The following TCF4 variants were observed in gnomAD, a reference collection of about 807,000 sequenced individuals.
TCF4 encodes the protein SL3-3 enhancer factor 2.
Under a neutral mutation model 82.1 loss-of-function variants are expected in TCF4, and 3 were observed. The observed-to-expected ratio is 0.04, with a 90% CI of 0.02 to 0.09. The LOEUF (loss-of-function observed/expected upper bound fraction) is 0.09. Among genes scored for constraint, TCF4 ranks in the 10% least tolerant of loss-of-function variants. The pLI is 1.00. For synonymous variants in TCF4, 276 were observed against 309.6 expected, an observed-to-expected ratio of 0.89 and a Z score of 1.14; for missense variants, 518 against 852.7, an observed-to-expected ratio of 0.61 and a Z score of 4.89.
intron 3 of TCF4, among the ~76,000 whole-genome samples, chr18:55,467,548 C>T (rs967459182): frequency 1.3e-5 from 2 of 152,172 alleles, no homozygotes; most frequent in Non-Finnish European, 2.9e-5. Flanking sequence ...AAGACAAATG[C>T]ATGCCCCACA....
intron 6 of TCF4, among the ~76,000 whole-genome samples, chr18:55,373,415 C>A (rs1005973560): frequency 3.3e-5 from 5 of 151,938 alleles, no homozygotes; most frequent in African/African-American, 1.2e-4. Context: ...ATACCCTGAG[C>A]GGTTGGTAAA....
chr18:55,323,141 G>A (rs1426730544), intron 8 of TCF4, among the ~76,000 whole-genome samples: 1 of 152,048 alleles, frequency 6.6e-6, no homozygotes, highest in Non-Finnish European at 1.5e-5. Context: ...ACAAAAAAAG[G>A]AAAGAAAGAA....
At chr18:55,523,679 A>T (rs944096863) in intron 3 of TCF4, among the ~76,000 whole-genome samples, 5 of 151,930 alleles carry the variant, frequency 3.3e-5, no homozygotes, top group African/African-American at 7.2e-5. Flanking sequence ...CAATTTTTTT[A>T]AAAAAATAGC....
intron 2 of TCF4, among the ~76,000 whole-genome samples, chr18:55,615,778 G>A (rs2097711164): frequency 6.6e-6 from 1 of 151,960 alleles, no homozygotes; most frequent in Non-Finnish European, 1.5e-5. Context: ...TAAAATTTTG[G>A]TTTTAATATG....
intron 8 of TCF4, among the ~76,000 whole-genome samples, chr18:55,345,415 A>G (rs532837156): frequency 1.3e-5 from 2 of 152,052 alleles, no homozygotes; most frequent in Non-Finnish European, 2.9e-5. Flanking sequence ...ACTGTTCCCC[A>G]TTGTCATGTT....
At chr18:55,621,775 A>G (rs1245334343) in intron 2 of TCF4, among the ~76,000 whole-genome samples, 3 of 91,674 alleles carry the variant, frequency 3.3e-5, no homozygotes, top group African/African-American at 8.8e-5. Flanking sequence ...TATAATATAT[A>G]ATATAATATA....
chr18:55,443,430 A>G (rs1014010998), intron 5 of TCF4, among the ~76,000 whole-genome samples: 1 of 152,242 alleles, frequency 6.6e-6, no homozygotes, highest in Non-Finnish European at 1.5e-5. Flanking sequence ...GAATTTTCAC[A>G]TAACCTTCAG....
At chr18:55,459,500 C>G (rs2144727986) in intron 5 of TCF4, among the ~76,000 whole-genome samples, 1 of 152,174 alleles carries the variant, frequency 6.6e-6, no homozygotes, top group Non-Finnish European at 1.5e-5. Flanking sequence ...ATTTTAGGAT[C>G]CAAGGAAGTT....
At chr18:55,616,935 T>A (rs186662677) in intron 2 of TCF4, among the ~76,000 whole-genome samples, 63 of 152,238 alleles carry the variant, frequency 4.1e-4, no homozygotes, top group African/African-American at 1.2e-3. Flanking sequence ...AACTTTTTAG[T>A]TTTATGTAGT....
chr18:55,292,811 T>C (rs904492999), intron 8 of TCF4, among the ~76,000 whole-genome samples: 1 of 145,338 alleles, frequency 6.9e-6, no homozygotes, highest in African/African-American at 2.4e-5. Flanking sequence ...CACACATCCA[T>C]TTATTTACCC....
intron 6 of TCF4, among the ~76,000 whole-genome samples, chr18:55,391,219 G>A (rs2093058486): frequency 6.6e-6 from 1 of 152,186 alleles, no homozygotes; most frequent in African/African-American, 2.4e-5. Flanking sequence ...CAGTTCAAAT[G>A]TAATAGATAA....
intron 3 of TCF4, among the ~76,000 whole-genome samples, chr18:55,545,242 C>A (rs2097196011): frequency 6.6e-6 from 1 of 152,126 alleles, no homozygotes; most frequent in Non-Finnish European, 1.5e-5. Flanking sequence ...ATAAAAAATG[C>A]CACTTAGTAT....
chr18:55,242,451 TTTAA>T (rs1274444630), intron 15 of TCF4, among the ~76,000 whole-genome samples: 2 of 152,198 alleles, frequency 1.3e-5, no homozygotes, highest in Non-Finnish European at 2.9e-5. Context: ...ATGTCTGAAA[TTTAA>T]TTGTTTGATA....
intron 6 of TCF4, among the ~76,000 whole-genome samples, chr18:55,395,931 T>A (rs1468699630): frequency 1.3e-5 from 2 of 152,138 alleles, no homozygotes; most frequent in East Asian, 3.9e-4. Context: ...ATAATCTTTT[T>A]TTCCCCCCCT....
At position 55,279,635 on chromosome 18, in the gene TCF4, T is replaced by C. The variant is rs753332007; in HGVS notation, c.571A>G (p.Thr191Ala). The change falls in exon 9 of 20, where the codon ACT becomes GCT. Residue 191 changes from threonine (T) to alanine (A), a missense_variant. Thr to Ala is a moderately conservative substitution (Grantham distance 58). Around this residue, in one of 7 missense-constraint regions of TCF4, gnomAD observed 211 missense variants for 327.4 expected, o/e 0.64. Coordinates refer to ENST00000354452, the MANE Select transcript of TCF4 (RefSeq NM_001083962.2). Reference protein sequence around the residue: ...PSSVYAPSASTADYNRDSPGY... With the variant: ...PSSVYAPSASAADYNRDSPGY... ...GGCGAGTCCCTATTGTAGTCGGCAGTGCTTGCTGATGGAGCATAGACCTGA... is the reference window on the plus strand; with the variant it reads ...GGCGAGTCCCTATTGTAGTCGGCAGCGCTTGCTGATGGAGCATAGACCTGA... 6.2e-7 allele frequency: 1 copy of C among 1,613,976 alleles called. No individual in the cohort carries two copies. Among genetic ancestry groups the C allele is most frequent in the Non-Finnish European group, 8.5e-7 (1 of 1,179,896 alleles).
chr18:55,240,967 A>C (rs1291414512), intron 15 of TCF4, among the ~76,000 whole-genome samples: 1 of 152,230 alleles, frequency 6.6e-6, no homozygotes, highest in Non-Finnish European at 1.5e-5. Flanking sequence ...TATGAAATGT[A>C]AGGTAATTCC....
chr18:55,283,573 A>C (rs887144415), intron 8 of TCF4, among the ~76,000 whole-genome samples: 1 of 152,214 alleles, frequency 6.6e-6, no homozygotes, highest in Admixed American at 6.5e-5. Flanking sequence ...TATTATTAAT[A>C]GTATCTGCCC....
At chr18:55,545,841 G>T (rs935926465) in intron 3 of TCF4, among the ~76,000 whole-genome samples, 2 of 152,318 alleles carry the variant, frequency 1.3e-5, no homozygotes, top group African/African-American at 2.4e-5. Flanking sequence ...GATTAAAGAA[G>T]ATGCGGTCCC....
intron 6 of TCF4, among the ~76,000 whole-genome samples, chr18:55,395,748 T>C (rs773247195): frequency 1.3e-5 from 2 of 152,212 alleles, no homozygotes; most frequent in Non-Finnish European, 2.9e-5. Context: ...TCTGCCTACA[T>C]TGCACAAAAA....
Sources: gnomAD v4.1 joint callset for allele counts (sites outside exome capture counted in the v4.1 genomes callset) on GRCh38, gnomAD v4.1.1 for gene constraint, gnomAD v4.1.1 regional missense constraint, MANE v1.5 for transcripts, NCBI Gene and HGNC (gene_info 2026-07-23, HGNC 2026-07-21) for gene names.